Variants in CD99L2 observed in about 807,000 individuals in gnomAD.
CD99L2 encodes the protein CD99 molecule like 2.
In CD99L2, 24 loss-of-function variants were observed where a neutral mutation model predicts 27.3. The ratio of observed to expected loss-of-function variants is 0.88; its 90% CI spans 0.64 to 1.24. CD99L2 has a LOEUF of 1.24. Among genes scored for constraint, CD99L2 ranks in the 50% most tolerant of loss-of-function variants. The probability of loss-of-function intolerance (pLI) is 0.00; values close to 1 mark genes in which losing one functional copy is unlikely to be tolerated. For missense variants in CD99L2, 255 were observed against 221.6 expected, an observed-to-expected ratio of 1.15 and a Z score of -0.96; for synonymous variants, 97 against 87.9, an observed-to-expected ratio of 1.10 and a Z score of -0.58.
At chrX:150,821,134 C>T (rs1557420656) in intron 2 of CD99L2, among the ~76,000 whole-genome samples, 1 of 111,536 alleles carries the variant, frequency 9.0e-6, no homozygotes, top group East Asian at 2.8e-4. Context: ...ATCAAAATAC[C>T]AACTGCCTTT....
intron 9 of CD99L2, among the ~76,000 whole-genome samples, chrX:150,773,653 C>T (rs1265864113): frequency 8.9e-6 from 1 of 112,284 alleles, no homozygotes; most frequent in Non-Finnish European, 1.9e-5. Context: ...AGGGTCTTTG[C>T]AGGTGTAATT....
At chrX:150,771,691 A>G in intron 9 of CD99L2, 1 of 866,961 alleles carries the variant, frequency 1.2e-6, no homozygotes. Context: ...CACGTCGGTG[A>G]GTGCCAGGGA....
At chrX:150,858,705 T>C (rs1278154772) in intron 1 of CD99L2, among the ~76,000 whole-genome samples, 1 of 111,500 alleles carries the variant, frequency 9.0e-6, no homozygotes, top group Non-Finnish European at 1.9e-5. Flanking sequence ...AAAAGCAGTA[T>C]TAAAAGGGAC....
intron 3 of CD99L2, 58 bp downstream of exon 3, chrX:150,815,949 C>CCCAGAGGGAACT: frequency 9.0e-7 from 1 of 1,109,577 alleles, no homozygotes; most frequent in Non-Finnish European, 1.2e-6. Flanking sequence ...TGCATGCTAC[C>CCCAGAGGGAACT]CCAGAGGGAA....
At chrX:150,775,570 G>A (rs1008206796) in intron 9 of CD99L2, among the ~76,000 whole-genome samples, 1 of 112,467 alleles carries the variant, frequency 8.9e-6, no homozygotes, top group Non-Finnish European at 1.9e-5. Context: ...TGGTGGGTCG[G>A]GGGGGAACCA....
intron 1 of CD99L2, among the ~76,000 whole-genome samples, chrX:150,852,350 A>C (rs1403719115): frequency 9.1e-6 from 1 of 110,120 alleles, no homozygotes; most frequent in Non-Finnish European, 1.9e-5. Flanking sequence ...GGACCTCTGG[A>C]CTTCACTTGG....
intron 1 of CD99L2, among the ~76,000 whole-genome samples, chrX:150,857,082 T>TA (rs1247004393): frequency 1.8e-5 from 2 of 110,441 alleles, no homozygotes; most frequent in Admixed American, 9.6e-5. Flanking sequence ...AGAAAAAAGA[T>TA]AAAAAAAAGA....
chrX:150,845,367 C>A (rs1467154031), intron 1 of CD99L2, among the ~76,000 whole-genome samples: 3 of 111,815 alleles, frequency 2.7e-5, no homozygotes, highest in African/African-American at 9.8e-5. Context: ...GATAGTTGCA[C>A]AACATAATGA....
intron 1 of CD99L2, among the ~76,000 whole-genome samples, chrX:150,889,808 T>C (rs1359951179): frequency 1.8e-5 from 2 of 112,578 alleles, no homozygotes; most frequent in Non-Finnish European, 3.8e-5. Flanking sequence ...CTGGTTGAAG[T>C]GGAGTTGTTC....
At chrX:150,779,579 C>T (rs2045476353) in intron 7 of CD99L2, among the ~76,000 whole-genome samples, 1 of 112,396 alleles carries the variant, frequency 8.9e-6, no homozygotes. Context: ...GCTGGGCTAC[C>T]GAGCTTCGCT....
At position 150,793,722 on chromosome X, in the gene CD99L2, C is replaced by T. The variant is rs199756881; in HGVS notation, c.465G>A (p.Gly155=). The part of the protein sequence containing the change: ...FSDKDLEDIV[G]GGEYKPDKGK... ...CCTTGTCAGGTTTGTATTCTCCACCCCCTACTATGTCTTCAAGATCCTTGT... is the reference window on the plus strand; with the variant it reads ...CCTTGTCAGGTTTGTATTCTCCACCTCCTACTATGTCTTCAAGATCCTTGT... Residue 155 remains glycine, a synonymous_variant, in exon 7 of 11, where the codon GGG becomes GGA. Coordinates refer to ENST00000370377, the MANE Select transcript of CD99L2 (RefSeq NM_031462.4). 1 of 1,199,831 alleles carries T rather than the reference C, an allele frequency of 8.3e-7. No individual in the cohort carries two copies.
At chrX:150,840,765 G>A (rs782221884) in intron 1 of CD99L2, among the ~76,000 whole-genome samples, 1 of 111,491 alleles carries the variant, frequency 9.0e-6, no homozygotes, top group African/African-American at 3.3e-5. Flanking sequence ...ACTTGGATGG[G>A]GTCTGAGGAT....
intron 1 of CD99L2, among the ~76,000 whole-genome samples, chrX:150,883,751 G>T (rs1488776458): frequency 9.0e-6 from 1 of 111,520 alleles, no homozygotes; most frequent in Non-Finnish European, 1.9e-5. Flanking sequence ...AGGAAATAAA[G>T]AATCATGAGT....
intron 1 of CD99L2, among the ~76,000 whole-genome samples, chrX:150,890,069 C>T (rs1261537093): frequency 9.2e-6 from 1 of 109,081 alleles, no homozygotes; most frequent in Non-Finnish European, 1.9e-5. Flanking sequence ...AGGAGAATGG[C>T]ATGAACCCGG....
intron 2 of CD99L2, among the ~76,000 whole-genome samples, chrX:150,822,679 A>G (rs2046259375): frequency 8.9e-6 from 1 of 112,479 alleles, no homozygotes; most frequent in Admixed American, 9.4e-5. Flanking sequence ...AATGATGGAT[A>G]TATTAACTTG....
intron 1 of CD99L2, among the ~76,000 whole-genome samples, chrX:150,874,799 C>A (rs1235672255): frequency 1.8e-5 from 2 of 112,194 alleles, no homozygotes; most frequent in Admixed American, 1.9e-4. Context: ...ACTGATCTGG[C>A]TCTGTCTAGC....
chrX:150,841,554 A>C (rs1557421356), intron 1 of CD99L2, among the ~76,000 whole-genome samples: 1 of 111,823 alleles, frequency 8.9e-6, no homozygotes. Context: ...TCAAATCTCT[A>C]TCTCTGCTTC....
In CD99L2 at chrX:150,793,450, C is replaced by T. The variant is rs782471622; in HGVS notation, c.496+241G>A. Among the ~76,000 whole-genome samples the T allele has an allele frequency of 2.0e-4, 23 of 112,276 alleles. No homozygotes were observed. The South Asian group carries it at 4.8e-3, about 23-fold the overall frequency. The stretch of plus-strand genomic sequence containing the variant: ...CAAATAGGCTTCAGCCAGCATGAAA[C>T]GTTAACCTATCAGCACTGCTGCTTA... On this transcript the variant is annotated intron_variant, in intron 7 of 10. Coordinates refer to ENST00000370377, the MANE Select transcript of CD99L2 (RefSeq NM_031462.4).
intron 7 of CD99L2, among the ~76,000 whole-genome samples, chrX:150,784,601 G>C (rs1443682073): frequency 8.9e-6 from 1 of 112,327 alleles, no homozygotes; most frequent in African/African-American, 3.2e-5. Context: ...TGAGGTTCCA[G>C]GAGAAAGCAG....
Sources: allele counts gnomAD v4.1 joint callset (sites outside exome capture counted in the v4.1 genomes callset), GRCh38; gene constraint gnomAD v4.1.1; transcripts MANE v1.5; gene names NCBI Gene and HGNC (gene_info 2026-07-23, HGNC 2026-07-21).